The following PARD3B variants were observed in gnomAD, a reference collection of about 807,000 sequenced individuals.
PARD3B encodes the protein partitioning defective 3 homolog B.
In PARD3B, 103 loss-of-function variants were observed where a neutral mutation model predicts 130.2. The observed-to-expected ratio is 0.79, with a 90% confidence interval of 0.67 to 0.93. The LOEUF is 0.93. Among genes scored for constraint, PARD3B ranks in the 40% least tolerant of loss-of-function variants. The pLI is 0.00. For missense variants in PARD3B, 1,609 were observed against 1,499.2 expected (o/e 1.07, Z -1.21); for synonymous variants, 583 against 553.2 (o/e 1.05, Z -0.76).
intron 1 of PARD3B, among the ~76,000 whole-genome samples, chr2:204,550,412 CTG>C (rs3051346): frequency 0.048 from 6,886 of 144,316 alleles, 374 homozygotes; most frequent in African/African-American, 0.14. Context: ...GGAGGGCTGA[CTG>C]TGTGTGTGTG....
chr2:204,697,734 C>G (rs2037683082), intron 2 of PARD3B, among the ~76,000 whole-genome samples: 1 of 152,034 alleles, frequency 6.6e-6, no homozygotes, highest in South Asian at 2.1e-4. Flanking sequence ...CGGTTGTGTT[C>G]AGATTCTCTC....
chr2:204,914,556 A>G (rs971939042), intron 2 of PARD3B, among the ~76,000 whole-genome samples: 2 of 152,206 alleles, frequency 1.3e-5, no homozygotes, highest in Admixed American at 6.5e-5. Context: ...GCAATCTCCA[A>G]TGAAGGGAGT....
chr2:204,916,473 A>G (rs1406919156), intron 2 of PARD3B, among the ~76,000 whole-genome samples: 2 of 152,232 alleles, frequency 1.3e-5, no homozygotes, highest in African/African-American at 4.8e-5. Flanking sequence ...AAAGTAATAT[A>G]AGAACAGTCC....
intron 2 of PARD3B, among the ~76,000 whole-genome samples, chr2:204,777,849 C>A (rs1261471535): frequency 6.6e-6 from 1 of 152,124 alleles, no homozygotes; most frequent in Non-Finnish European, 1.5e-5. Context: ...GTAATCCCCA[C>A]ATGTCGAGAG....
At chr2:205,046,424 C>T (rs753989355) in intron 3 of PARD3B, among the ~76,000 whole-genome samples, 2 of 151,000 alleles carry the variant, frequency 1.3e-5, no homozygotes, top group Admixed American at 6.6e-5. Context: ...CTTTATAATT[C>T]CTTTTGGCAT....
At chr2:204,959,300 A>G (rs1479479459) in intron 2 of PARD3B, among the ~76,000 whole-genome samples, 1 of 152,160 alleles carries the variant, frequency 6.6e-6, no homozygotes, top group South Asian at 2.1e-4. Flanking sequence ...TCTGCAAAGG[A>G]CATGAACTCA....
chr2:205,306,655 G>A (rs1051372015), intron 18 of PARD3B, among the ~76,000 whole-genome samples: 1 of 152,210 alleles, frequency 6.6e-6, no homozygotes, highest in African/African-American at 2.4e-5. Context: ...TTAGCACCTC[G>A]GGCTTTGTTT....
At chr2:204,709,151 A>G (rs1470239398) in intron 2 of PARD3B, among the ~76,000 whole-genome samples, 1 of 152,202 alleles carries the variant, frequency 6.6e-6, no homozygotes, top group African/African-American at 2.4e-5. Flanking sequence ...TTTGAAAAAA[A>G]AATTCCGTTT....
chr2:205,147,397 CTT>C (rs1405795432), intron 10 of PARD3B, among the ~76,000 whole-genome samples: 1 of 151,896 alleles, frequency 6.6e-6, no homozygotes, highest in African/African-American at 2.4e-5. Context: ...TAATCTCTGA[CTT>C]AATATTATAT....
At chr2:204,609,865 A>G (rs1373018510) in intron 1 of PARD3B, among the ~76,000 whole-genome samples, 2 of 152,180 alleles carry the variant, frequency 1.3e-5, no homozygotes, top group Non-Finnish European at 2.9e-5. Context: ...GTATTAGCAG[A>G]CATTCTCTAC....
intron 22 of PARD3B, among the ~76,000 whole-genome samples, chr2:205,610,005 A>G (rs2055173427): frequency 6.6e-6 from 1 of 152,216 alleles, no homozygotes; most frequent in Admixed American, 6.5e-5. Context: ...CTTTTAATAA[A>G]TTATAGCAGA....
At chr2:204,821,890 G>A (rs1445379262) in intron 2 of PARD3B, among the ~76,000 whole-genome samples, 1 of 151,942 alleles carries the variant, frequency 6.6e-6, no homozygotes, top group African/African-American at 2.4e-5. Context: ...CCCAGTCTCA[G>A]GTTTGTCTTT....
At chr2:204,635,842 C>T (rs1370067619) in intron 1 of PARD3B, among the ~76,000 whole-genome samples, 1 of 152,120 alleles carries the variant, frequency 6.6e-6, no homozygotes, top group Non-Finnish European at 1.5e-5. Context: ...TAATAGAAAT[C>T]ATTTCCCCAT....
Position 205,217,864 on chromosome 2 carries a change from GTGTGTATA to G in PARD3B, c.2140+24546_2140+24553del, listed in dbSNP as rs1354765745. ...TGTATATGTGTGTGTGTGTGTGTGT[GTGTGTATA>G]TATATATATATATATATATATATTT... On this transcript the variant is annotated intron_variant, in intron 15 of 22. Coordinates refer to ENST00000406610, the MANE Select transcript of PARD3B (RefSeq NM_001302769.2). Among the ~76,000 whole-genome samples the G allele has an allele frequency of 7.0e-3, 532 of 76,532 alleles. 3 individuals are homozygous for G. Among genetic ancestry groups the G allele is most frequent in the East Asian group, 0.035 (64 of 1,848 alleles). The allele number at this position is 76,532 out of a possible 152,430, so 50.2% of individuals were successfully genotyped here. A position where few individuals can be genotyped will look rare whatever the true frequency, so the allele number is the denominator to read the frequency against.
chr2:204,761,545 C>T (rs1396994532), intron 2 of PARD3B, among the ~76,000 whole-genome samples: 5 of 151,346 alleles, frequency 3.3e-5, no homozygotes, highest in Non-Finnish European at 5.9e-5. Flanking sequence ...TTAAATTCAC[C>T]CATAGTTGTT....
chr2:204,991,823 G>A lies in PARD3B; in HGVS notation c.394+26500G>A, dbSNP rs1288056327. Among the ~76,000 whole-genome samples the A allele has an allele frequency of 2.6e-5, 4 of 151,584 alleles. No homozygotes were observed. In the East Asian group the frequency reaches 5.8e-4, roughly 22 times the overall value. On this transcript the variant is annotated intron_variant, in intron 3 of 22. Transcript: ENST00000406610. ...GGTTTTGATTTGCATTTCTCTGATG[G>A]CCAGTGATGATGAGCATTTTTTCAT...
At chr2:204,615,905 A>T (rs2034094279) in intron 1 of PARD3B, among the ~76,000 whole-genome samples, 1 of 152,156 alleles carries the variant, frequency 6.6e-6, no homozygotes, top group African/African-American at 2.4e-5. Flanking sequence ...AAAAGTTGAG[A>T]TTTAATAAAG....
intron 1 of PARD3B, among the ~76,000 whole-genome samples, chr2:204,641,721 A>C (rs1381744040): frequency 6.6e-6 from 1 of 152,198 alleles, no homozygotes; most frequent in Non-Finnish European, 1.5e-5. Flanking sequence ...TTACAGCAAT[A>C]AAATCCATTC....
intron 6 of PARD3B, among the ~76,000 whole-genome samples, chr2:205,118,120 C>T (rs1008120099): frequency 6.6e-6 from 1 of 152,146 alleles, no homozygotes; most frequent in African/African-American, 2.4e-5. Flanking sequence ...TTCATCATGT[C>T]GCTGCCCTAC....
Sources: allele counts gnomAD v4.1 joint callset (sites outside exome capture counted in the v4.1 genomes callset), GRCh38; gene constraint gnomAD v4.1.1; transcripts MANE v1.5; gene names NCBI Gene and HGNC (gene_info 2026-07-23, HGNC 2026-07-21).